The following SYNE2 variants were observed in gnomAD, a reference collection of about 807,000 sequenced individuals.
SYNE2 encodes the protein nesprin-2.
Under a neutral mutation model 856.3 loss-of-function variants are expected in SYNE2, and 431 were observed. The observed-to-expected ratio is 0.50, with a 90% CI of 0.47 to 0.55. The LOEUF (loss-of-function observed/expected upper bound fraction) is 0.55. Ranked by LOEUF, SYNE2 falls within the 20% of genes least tolerant of loss-of-function variation. The probability of loss-of-function intolerance (pLI) is 0.00; values close to 1 mark genes in which losing one functional copy is unlikely to be tolerated. For synonymous variants in SYNE2, 2,923 were observed against 2,872.3 expected (o/e 1.02, Z -0.56); for missense variants, 8,129 against 8,023.2 (o/e 1.01, Z -0.50).
At chr14:63,860,870 T>C (rs777362640) in intron 1 of SYNE2, among the ~76,000 whole-genome samples, 1 of 152,142 alleles carries the variant, frequency 6.6e-6, no homozygotes, top group Non-Finnish European at 1.5e-5. Flanking sequence ...GTGGGGTAAT[T>C]GGTAGTCACT....
chr14:64,157,362 G>A (rs1385792836), intron 85 of SYNE2, among the ~76,000 whole-genome samples: 4 of 152,084 alleles, frequency 2.6e-5, no homozygotes, highest in Non-Finnish European at 4.4e-5. Context: ...TTTTGGGTCT[G>A]GCTTCCTTCA....
At chr14:64,056,937 C>T (rs1170135964) in intron 49 of SYNE2, among the ~76,000 whole-genome samples, 2 of 152,068 alleles carry the variant, frequency 1.3e-5, no homozygotes, top group Non-Finnish European at 2.9e-5. Context: ...GTCCTGTTTT[C>T]ACAATTTCAA....
At position 64,162,208 on chromosome 14, in the gene SYNE2, C is replaced by A; in HGVS notation, c.16231C>A (p.Leu5411Ile). 1 of 1,614,258 alleles carries A rather than the reference C, an allele frequency of 6.2e-7. No homozygotes were observed. The highest frequency in any genetic ancestry group is 8.5e-7 in the Non-Finnish European group (1 of 1,180,048). The change falls in exon 88 of 116, where the codon CTC becomes ATC. Residue 5411 changes from leucine (L) to isoleucine (I), a missense_variant. Coordinates refer to ENST00000555002, the MANE Select transcript of SYNE2 (RefSeq NM_182914.3). ...GCAGCAGGAAGCAAAGTTTCAACAG[C>A]TCGCAAACATCAGCATGTCTGGAAA... ...LKQQEAKFQQ[L>I]ANISMSGNNL...
chr14:63,940,317 A>G (rs2095893556), intron 2 of SYNE2, among the ~76,000 whole-genome samples: 1 of 152,268 alleles, frequency 6.6e-6, no homozygotes, highest in Admixed American at 6.5e-5. Flanking sequence ...CGGCCTCCCA[A>G]GTGCTGGGAT....
At chr14:64,165,612 A>C (rs1269422361) in intron 90 of SYNE2, among the ~76,000 whole-genome samples, 1 of 151,342 alleles carries the variant, frequency 6.6e-6, no homozygotes, top group Non-Finnish European at 1.5e-5. Context: ...TCCCGGGTTC[A>C]AGCCATTCTC....
chr14:64,143,901 G>A lies in SYNE2; in HGVS notation c.15436G>A (p.Glu5146Lys). ...ERTEFAEHLG[E>K]MNRQWHRVHG... ...AACGGAGTTTGCAGAGCACCTGGGG[G>A]AGATGAACCGCCAGTGGCACCGTGT... The change falls in exon 83 of 116, where the codon GAG becomes AAG. Residue 5146 changes from glutamate to lysine, a missense_variant. Around this residue, in one of 3 missense-constraint regions of SYNE2, gnomAD observed 5,410 missense variants for 5,284.8 expected, o/e 1.02. Coordinates refer to ENST00000555002, the MANE Select transcript of SYNE2 (RefSeq NM_182914.3). 6.2e-7 allele frequency: 1 copy of A among 1,614,196 alleles called. No individual in the cohort carries two copies. The highest frequency in any genetic ancestry group is 8.5e-7 in the Non-Finnish European group (1 of 1,180,024).
At chr14:64,120,313 C>G (rs1183264567) in intron 67 of SYNE2, among the ~76,000 whole-genome samples, 1 of 152,070 alleles carries the variant, frequency 6.6e-6, no homozygotes, top group African/African-American at 2.4e-5. Context: ...AATACTGTTT[C>G]TCTTTTTGGT....
chr14:64,032,713 C>G (rs2097050174), intron 45 of SYNE2, among the ~76,000 whole-genome samples: 1 of 152,118 alleles, frequency 6.6e-6, no homozygotes, highest in African/African-American at 2.4e-5. Context: ...GCTGGGATTA[C>G]AGGCATGTGC....
Position 64,051,806 on chromosome 14 carries a change from C to T in SYNE2, c.7893C>T (p.Leu2631=). 1.2e-6 allele frequency: 2 copies of T among 1,614,128 alleles called. No individual in the cohort carries two copies. The highest frequency in any genetic ancestry group is 1.7e-6 in the Non-Finnish European group (2 of 1,180,020). Residue 2631 remains leucine, a synonymous_variant, in exon 48 of 116, where the codon CTC becomes CTT. Coordinates refer to ENST00000555002, the MANE Select transcript of SYNE2 (RefSeq NM_182914.3). ...QVVEYDEFTT[L]MNKVQDTEIS... ...TGGAATATGATGAATTTACAACCCT[C>T]ATGAATAAGGTACAGGACACTGAGA...
chr14:63,917,902 A>G (rs1356491182), intron 2 of SYNE2, among the ~76,000 whole-genome samples: 1 of 150,572 alleles, frequency 6.6e-6, no homozygotes, highest in Non-Finnish European at 1.5e-5. Context: ...GGCTTCTGGG[A>G]ACTTTGGTTC....
intron 2 of SYNE2, among the ~76,000 whole-genome samples, chr14:63,927,346 G>A (rs757211649): frequency 2.0e-5 from 3 of 152,172 alleles, no homozygotes; most frequent in South Asian, 4.2e-4. Context: ...CCAGGAGTTG[G>A]AGACTAGCCT....
intron 1 of SYNE2, among the ~76,000 whole-genome samples, chr14:63,816,168 T>C (rs1293583984): frequency 6.6e-6 from 1 of 152,006 alleles, no homozygotes; most frequent in African/African-American, 2.4e-5. Context: ...AGGATAGTCT[T>C]GGTCACCTGA....
rs372068741 is a variant in SYNE2, at chr14:64,102,055, G to A, written c.12492+13G>A. On this transcript the variant is annotated intron_variant, in intron 64 of 115. Coordinates refer to ENST00000555002, the MANE Select transcript of SYNE2 (RefSeq NM_182914.3). ...AACAATTGTTCAGGTAATGCTGGGC[G>A]TATCAGCCACGCTTAGGGGTTACGA... 2.5e-5 allele frequency: 40 copies of A among 1,587,370 alleles called. 1 individual carries two copies. Among genetic ancestry groups the A allele is most frequent in the Middle Eastern group, 1.7e-4 (1 of 5,908 alleles).
intron 87 of SYNE2, among the ~76,000 whole-genome samples, chr14:64,161,740 CAA>C (rs903391848): frequency 3.4e-4 from 19 of 56,258 alleles, no homozygotes; most frequent in Admixed American, 3.5e-4. Flanking sequence ...CCTGTCTCTA[CAA>C]AAAAAAAAAA....
chr14:64,190,019 G>A, intron 98 of SYNE2, 52 bp from the exon 99 acceptor site: 1 of 1,560,400 alleles, frequency 6.4e-7, no homozygotes, highest in Non-Finnish European at 8.8e-7. Context: ...GGCTGGAGAA[G>A]AAATGAGTTT....
At chr14:64,133,428 C>T (rs1260211156) in intron 77 of SYNE2, among the ~76,000 whole-genome samples, 1 of 152,068 alleles carries the variant, frequency 6.6e-6, no homozygotes, top group Non-Finnish European at 1.5e-5. Flanking sequence ...TGGTTCTTTT[C>T]CTAACAGACA....
chr14:63,942,865 A>G (rs1452834080), intron 6 of SYNE2, among the ~76,000 whole-genome samples: 2 of 152,152 alleles, frequency 1.3e-5, no homozygotes, highest in East Asian at 3.8e-4. Context: ...TCCTGACCTC[A>G]GGTGATCTGC....
chr14:64,223,200 G>A lies in SYNE2; in HGVS notation c.20202G>A (p.Lys6734=). Residue 6734 remains lysine, a synonymous_variant, in exon 113 of 116, where the codon AAG becomes AAA. Coordinates refer to ENST00000555002, the MANE Select transcript of SYNE2 (RefSeq NM_182914.3). ...TTATCTGTTTTCAGCAACTGGAAAA[G>A]GAGCTGGTAGAACGTCAACCTCAAG... The part of the protein sequence containing the change: ...ECRRELMQLE[K]ELVERQPQVD... 6.2e-7 allele frequency: 1 copy of A among 1,613,866 alleles called. No homozygotes were observed. The highest frequency in any genetic ancestry group is 8.5e-7 in the Non-Finnish European group (1 of 1,179,888).
intron 79 of SYNE2, among the ~76,000 whole-genome samples, 172 bp from the exon 80 acceptor site, chr14:64,139,769 G>A (rs2098125646): frequency 6.6e-6 from 1 of 152,090 alleles, no homozygotes; most frequent in African/African-American, 2.4e-5. Context: ...AAAATGCCAG[G>A]AGCATCATGG....
Sources: allele counts gnomAD v4.1 joint callset (sites outside exome capture counted in the v4.1 genomes callset), GRCh38; gene constraint gnomAD v4.1.1; regional missense constraint gnomAD v4.1.1; transcripts MANE v1.5; gene names NCBI Gene and HGNC (gene_info 2026-07-23, HGNC 2026-07-21).